SNTG1: variants seen among roughly 807,000 people sequenced by gnomAD.
SNTG1 encodes syntrophin gamma 1, also known as gamma-1-syntrophin.
A neutral mutation model predicts 74.7 loss-of-function variants in SNTG1; 39 were observed. The observed-to-expected ratio is 0.52, with a 90% CI of 0.40 to 0.68. The LOEUF (loss-of-function observed/expected upper bound fraction) is 0.68, where lower values mean the gene tolerates loss of function less well. Ranked by LOEUF, SNTG1 falls within the 30% of genes least tolerant of loss-of-function variation. The pLI is 0.00. For missense variants in SNTG1, 685 were observed against 609.5 expected (o/e 1.12, Z -1.30); for synonymous variants, 254 against 217.1 (o/e 1.17, Z -1.49).
chr8:50,538,200 C>T (rs928149254), intron 11 of SNTG1, among the ~76,000 whole-genome samples: 20 of 152,126 alleles, frequency 1.3e-4, no homozygotes, highest in African/African-American at 4.6e-4. Flanking sequence ...CTTTATCTTT[C>T]CTGTTTGTAA....
chr8:50,292,689 T>C (rs894891142), intron 2 of SNTG1, among the ~76,000 whole-genome samples: 7 of 152,126 alleles, frequency 4.6e-5, no homozygotes, highest in Non-Finnish European at 8.8e-5. Flanking sequence ...TCAGTTGAGA[T>C]GAAGATGACC....
intron 11 of SNTG1, among the ~76,000 whole-genome samples, chr8:50,547,002 C>T (rs1179532717): frequency 6.6e-6 from 1 of 152,086 alleles, no homozygotes; most frequent in African/African-American, 2.4e-5. Context: ...AGGCTGGTCT[C>T]GAACTCATGA....
chr8:50,748,117 T>A (rs1376857890), intron 17 of SNTG1, among the ~76,000 whole-genome samples: 1 of 152,050 alleles, frequency 6.6e-6, no homozygotes, highest in Non-Finnish European at 1.5e-5. Flanking sequence ...ATGGAGACCA[T>A]GGGTAATGTC....
chr8:50,251,113 T>C (rs1294840718), intron 2 of SNTG1, among the ~76,000 whole-genome samples: 3 of 152,002 alleles, frequency 2.0e-5, no homozygotes, highest in African/African-American at 7.2e-5. Context: ...TCTATAGTAT[T>C]TTTATGTGAC....
At chr8:49,920,146 A>G (rs1806402575) in intron 1 of SNTG1, among the ~76,000 whole-genome samples, 1 of 152,094 alleles carries the variant, frequency 6.6e-6, no homozygotes, top group Non-Finnish European at 1.5e-5. Context: ...TTCTTTTCCA[A>G]GAAATCTCCT....
chr8:50,615,748 T>TG (rs1297764343), intron 13 of SNTG1, among the ~76,000 whole-genome samples: 4 of 151,974 alleles, frequency 2.6e-5, no homozygotes, highest in African/African-American at 9.7e-5. Flanking sequence ...ACTGAAAAGG[T>TG]GAAAAGACAC....
chr8:49,939,864 G>A (rs180725165), intron 1 of SNTG1, among the ~76,000 whole-genome samples: 3 of 152,184 alleles, frequency 2.0e-5, no homozygotes, highest in Admixed American at 6.5e-5. Flanking sequence ...GAGGTCTAGG[G>A]TCTAGCAGGC....
chr8:50,308,090 A>G (rs2089971241), intron 2 of SNTG1, among the ~76,000 whole-genome samples: 1 of 151,702 alleles, frequency 6.6e-6, no homozygotes, highest in Non-Finnish European at 1.5e-5. Context: ...TGATGCTGCA[A>G]TTGCTTCCAT....
intron 2 of SNTG1, among the ~76,000 whole-genome samples, chr8:50,240,993 A>C (rs1326807328): frequency 6.6e-6 from 1 of 152,166 alleles, no homozygotes; most frequent in African/African-American, 2.4e-5. Context: ...AAACCTTGAT[A>C]AATTCAAACA....
chr8:50,162,857 C>A (rs985606240), intron 1 of SNTG1, among the ~76,000 whole-genome samples: 3 of 152,174 alleles, frequency 2.0e-5, no homozygotes, highest in African/African-American at 7.2e-5. Context: ...AGCTTCAGAG[C>A]ATGATCCTCT....
intron 8 of SNTG1, among the ~76,000 whole-genome samples, chr8:50,496,186 G>T (rs1215278825): frequency 2.0e-5 from 3 of 152,126 alleles, no homozygotes; most frequent in Non-Finnish European, 2.9e-5. Flanking sequence ...ATGTCAAGTG[G>T]GATGAGTCCA....
At chr8:50,338,117 G>C (rs1298798209) in intron 2 of SNTG1, among the ~76,000 whole-genome samples, 3 of 151,690 alleles carry the variant, frequency 2.0e-5, no homozygotes, top group South Asian at 2.1e-4. Flanking sequence ...CTGGGCGACA[G>C]AGCAAGACTC....
At chr8:50,271,107 A>G (rs890890702) in intron 2 of SNTG1, among the ~76,000 whole-genome samples, 1 of 152,196 alleles carries the variant, frequency 6.6e-6, no homozygotes, top group Non-Finnish European at 1.5e-5. Context: ...TGCATGATTA[A>G]ATAGAATAAC....
chr8:50,317,997 C>T (rs555176333), intron 2 of SNTG1, among the ~76,000 whole-genome samples: 33 of 152,180 alleles, frequency 2.2e-4, no homozygotes, highest in African/African-American at 6.3e-4. Flanking sequence ...CCACCACGCC[C>T]GGCTAATTTT....
At chr8:50,388,076 G>T (rs191297473) in intron 2 of SNTG1, among the ~76,000 whole-genome samples, 17 of 152,264 alleles carry the variant, frequency 1.1e-4, no homozygotes, top group South Asian at 4.1e-4. Flanking sequence ...AGCAGGATGA[G>T]ACTCTGGGTT....
chr8:50,642,889 G>A (rs1025074003), intron 13 of SNTG1, among the ~76,000 whole-genome samples: 2 of 151,962 alleles, frequency 1.3e-5, no homozygotes, highest in Non-Finnish European at 2.9e-5. Flanking sequence ...CCATCTATTT[G>A]GTTTCCTGCT....
At chr8:50,262,529 C>A (rs576952249) in intron 2 of SNTG1, among the ~76,000 whole-genome samples, 8 of 152,228 alleles carry the variant, frequency 5.3e-5, no homozygotes, top group African/African-American at 1.7e-4. Flanking sequence ...TCCTGCTCAG[C>A]CTCAGAGTAG....
intron 15 of SNTG1, among the ~76,000 whole-genome samples, chr8:50,698,878 A>G (rs1480379885): frequency 6.6e-6 from 1 of 151,696 alleles, no homozygotes; most frequent in Non-Finnish European, 1.5e-5. Context: ...AAAGATACTC[A>G]CTCACCCTCT....
chr8:50,490,010 C>T (rs957070048), intron 8 of SNTG1, among the ~76,000 whole-genome samples: 1 of 152,164 alleles, frequency 6.6e-6, no homozygotes, highest in African/African-American at 2.4e-5. Flanking sequence ...TTCCCAACAC[C>T]ATTTATTAAA....
Sources: gnomAD v4.1 joint callset for allele counts (sites outside exome capture counted in the v4.1 genomes callset) on GRCh38, gnomAD v4.1.1 for gene constraint, MANE v1.5 for transcripts, NCBI Gene and HGNC (gene_info 2026-07-23, HGNC 2026-07-21) for gene names.